Variants in WDFY2 observed in about 807,000 individuals in gnomAD.
WDFY2 encodes the protein WD repeat and FYVE domain-containing protein 2.
In WDFY2, 36 loss-of-function variants were observed where a neutral mutation model predicts 56.4. The ratio of observed to expected loss-of-function variants is 0.64; its 90% CI spans 0.49 to 0.84. WDFY2 has a LOEUF of 0.84. WDFY2 is among the 40% of genes least tolerant of loss of function. WDFY2 has a pLI of 0.00. For missense variants in WDFY2, 444 were observed against 512.2 expected, an observed-to-expected ratio of 0.87 and a Z score of 1.29; for synonymous variants, 176 against 183.7, an observed-to-expected ratio of 0.96 and a Z score of 0.34.
intron 1 of WDFY2, among the ~76,000 whole-genome samples, chr13:51,641,484 A>G (rs1223869479): frequency 6.6e-6 from 1 of 152,034 alleles, no homozygotes; most frequent in East Asian, 1.9e-4. Context: ...CTAATGATGC[A>G]TGATTGAATT....
intron 2 of WDFY2, among the ~76,000 whole-genome samples, chr13:51,661,861 T>G (rs1020259169): frequency 6.6e-6 from 1 of 152,220 alleles, no homozygotes; most frequent in East Asian, 1.9e-4. Flanking sequence ...TGTCGTACAT[T>G]ACAGGATCAA....
At chr13:51,758,374 G>A (rs1953467206) in intron 11 of WDFY2, 74 bp downstream of exon 11, 3 of 1,141,702 alleles carry the variant, frequency 2.6e-6, no homozygotes, top group Non-Finnish European at 3.8e-6. Context: ...AAGAACATGG[G>A]AGGCACTGTT....
chr13:51,732,801 T>TA (rs1375373025), intron 6 of WDFY2, among the ~76,000 whole-genome samples: 1 of 152,232 alleles, frequency 6.6e-6, no homozygotes, highest in Non-Finnish European at 1.5e-5. Context: ...GCTCTCTATG[T>TA]ATATGATGGT....
chr13:51,737,293 CTAAT>C (rs1464703137), intron 6 of WDFY2, among the ~76,000 whole-genome samples: 1 of 152,072 alleles, frequency 6.6e-6, no homozygotes, highest in Non-Finnish European at 1.5e-5. Flanking sequence ...CTCATTTAAT[CTAAT>C]TAACCCATTT....
intron 1 of WDFY2, among the ~76,000 whole-genome samples, chr13:51,609,254 A>T (rs1022688076): frequency 6.6e-6 from 1 of 152,204 alleles, no homozygotes; most frequent in Admixed American, 6.5e-5. Flanking sequence ...CCCTCTACTG[A>T]TCACAACTCC....
At chr13:51,612,663 AG>A (rs1397577976) in intron 1 of WDFY2, among the ~76,000 whole-genome samples, 3 of 152,244 alleles carry the variant, frequency 2.0e-5, no homozygotes, top group African/African-American at 7.2e-5. Context: ...AGTTGGGAAT[AG>A]GGGATTTATG....
chr13:51,690,205 A>G (rs566790660), intron 3 of WDFY2, among the ~76,000 whole-genome samples: 10 of 146,928 alleles, frequency 6.8e-5, no homozygotes, highest in Non-Finnish European at 1.2e-4. Flanking sequence ...TATTTTTTTT[A>G]TTATTATACT....
intron 1 of WDFY2, among the ~76,000 whole-genome samples, chr13:51,621,505 C>CA (rs1023391781): frequency 9.9e-5 from 15 of 151,230 alleles, no homozygotes; most frequent in South Asian, 6.3e-4. Flanking sequence ...AACTTCGTCT[C>CA]AAAAAAAACA....
At chr13:51,629,560 CTG>C (rs1467089988) in intron 1 of WDFY2, among the ~76,000 whole-genome samples, 1 of 152,102 alleles carries the variant, frequency 6.6e-6, no homozygotes, top group Non-Finnish European at 1.5e-5. Flanking sequence ...GTGAAATACT[CTG>C]TGAACTGTTC....
At chr13:51,605,537 A>G (rs1319511449) in intron 1 of WDFY2, among the ~76,000 whole-genome samples, 1 of 152,256 alleles carries the variant, frequency 6.6e-6, no homozygotes, top group East Asian at 1.9e-4. Flanking sequence ...CATGGGTTGT[A>G]TAAATATGAA....
At chr13:51,638,809 A>G (rs888546245) in intron 1 of WDFY2, among the ~76,000 whole-genome samples, 1 of 152,242 alleles carries the variant, frequency 6.6e-6, no homozygotes, top group South Asian at 2.1e-4. Flanking sequence ...TTTACATGTT[A>G]TGCTTCATTA....
intron 1 of WDFY2, chr13:51,587,768 A>G (rs1469936020): frequency 6.6e-6 from 1 of 152,248 alleles, no homozygotes; most frequent in Non-Finnish European, 1.5e-5. Context: ...TAGTATTGGA[A>G]AGAGAATTTC....
At chr13:51,677,248 T>G (rs1955904035) in intron 3 of WDFY2, among the ~76,000 whole-genome samples, 1 of 152,216 alleles carries the variant, frequency 6.6e-6, no homozygotes, top group Non-Finnish European at 1.5e-5. Context: ...CTGAAAAAGA[T>G]TCAGGACCCT....
chr13:51,667,145 G>T (rs1480940522), intron 2 of WDFY2, among the ~76,000 whole-genome samples: 4 of 152,118 alleles, frequency 2.6e-5, no homozygotes, highest in African/African-American at 9.7e-5. Context: ...TTGTAAAATG[G>T]CTTCAGGTTC....
At chr13:51,596,673 T>C (rs563084715) in intron 1 of WDFY2, among the ~76,000 whole-genome samples, 1 of 152,298 alleles carries the variant, frequency 6.6e-6, no homozygotes, top group Admixed American at 6.5e-5. Context: ...AAGATTGCAT[T>C]GTTCATATAA....
intron 1 of WDFY2, among the ~76,000 whole-genome samples, chr13:51,650,011 T>G (rs1251417274): frequency 6.6e-6 from 1 of 152,050 alleles, no homozygotes; most frequent in East Asian, 1.9e-4. Flanking sequence ...CCTTGGGCAG[T>G]GTGGCCATTA....
At chr13:51,626,576 A>G (rs1954839000) in intron 1 of WDFY2, among the ~76,000 whole-genome samples, 1 of 152,198 alleles carries the variant, frequency 6.6e-6, no homozygotes, top group South Asian at 2.1e-4. Flanking sequence ...TTGTATATCA[A>G]ATATAATTAA....
intron 3 of WDFY2, among the ~76,000 whole-genome samples, chr13:51,694,338 T>C (rs937669308): frequency 1.3e-5 from 2 of 152,220 alleles, no homozygotes; most frequent in African/African-American, 4.8e-5. Flanking sequence ...TTCCTTTCCA[T>C]GTTTAGTGCT....
chr13:51,613,056 T>C (rs1954534107), intron 1 of WDFY2, among the ~76,000 whole-genome samples: 1 of 151,974 alleles, frequency 6.6e-6, no homozygotes, highest in Non-Finnish European at 1.5e-5. Flanking sequence ...GCTGCAGCCA[T>C]GTGCGGTGGT....
Sources: gnomAD v4.1 joint callset for allele counts (sites outside exome capture counted in the v4.1 genomes callset) on GRCh38, gnomAD v4.1.1 for gene constraint, MANE v1.5 for transcripts, NCBI Gene and HGNC (gene_info 2026-07-23, HGNC 2026-07-21) for gene names.